The following DOCK3 variants were observed in gnomAD, a reference collection of about 807,000 sequenced individuals.
DOCK3 encodes dedicator of cytokinesis 3.
A neutral mutation model predicts 265.6 loss-of-function variants in DOCK3; 60 were observed. The observed-to-expected ratio is 0.23, with a 90% confidence interval of 0.18 to 0.28. DOCK3 has a LOEUF of 0.28. DOCK3 is among the 10% of genes least tolerant of loss of function. DOCK3 has a pLI of 1.00. For missense variants in DOCK3, 1,981 were observed against 2,594.3 expected (o/e 0.76, Z 5.14); for synonymous variants, 881 against 938.0 (o/e 0.94, Z 1.11).
At chr3:51,292,403 T>G (rs1003900569) in intron 27 of DOCK3, among the ~76,000 whole-genome samples, 2 of 152,128 alleles carry the variant, frequency 1.3e-5, no homozygotes, top group African/African-American at 4.8e-5. Flanking sequence ...GAAAAACAGA[T>G]TCAGTAAAAT....
At position 51,354,986 on chromosome 3, in the gene DOCK3, C is replaced by A; in HGVS notation, c.4212C>A (p.Asn1404Lys). The change falls in exon 41 of 53, where the codon AAC becomes AAA. Residue 1404 changes from asparagine to lysine, a missense_variant. By Grantham distance (94) the Asn-to-Lys change is moderately conservative. Around this residue, in one of 4 missense-constraint regions of DOCK3, gnomAD observed 1,357 missense variants for 1,866.8 expected, o/e 0.73. Coordinates refer to ENST00000266037, the MANE Select transcript of DOCK3 (RefSeq NM_004947.5). ...AGGCTGTCGCCATGCAGCACCCCAA[C>A]CATCCTGATGACGCCATCCTACAGT... ...FPQAVAMQHPNHPDDAILQCD... is the reference protein window; with the variant it reads ...FPQAVAMQHPKHPDDAILQCD... 12 of 1,613,946 alleles carry A rather than the reference C, an allele frequency of 7.4e-6. No individual in the cohort carries two copies. The highest frequency in any genetic ancestry group is 1.0e-5 in the Non-Finnish European group (12 of 1,179,858).
At chr3:50,838,304 T>C (rs576750074) in intron 2 of DOCK3, among the ~76,000 whole-genome samples, 1 of 152,332 alleles carries the variant, frequency 6.6e-6, no homozygotes, top group East Asian at 1.9e-4. Flanking sequence ...TTTTTCTGAC[T>C]TAAGTTAAAG....
At chr3:50,866,631 A>G (rs1391155709) in intron 3 of DOCK3, among the ~76,000 whole-genome samples, 1 of 152,114 alleles carries the variant, frequency 6.6e-6, no homozygotes, top group African/African-American at 2.4e-5. Flanking sequence ...GTTGGGGTCT[A>G]GTTTCATTCT....
intron 5 of DOCK3, among the ~76,000 whole-genome samples, chr3:50,944,685 A>G (rs1182088618): frequency 2.0e-5 from 3 of 152,288 alleles, no homozygotes; most frequent in South Asian, 4.1e-4. Context: ...TAGGCGGGGC[A>G]TGGTGGCTCA....
chr3:50,900,977 C>T, intron 4 of DOCK3: 1 of 418,026 alleles, frequency 2.4e-6, no homozygotes, highest in Non-Finnish European at 4.7e-6. Flanking sequence ...AGGAAGCAGT[C>T]TATCCCTTAG....
chr3:51,244,992 T>G (rs1430098599), intron 21 of DOCK3, among the ~76,000 whole-genome samples: 1 of 152,170 alleles, frequency 6.6e-6, no homozygotes, highest in Non-Finnish European at 1.5e-5. Flanking sequence ...TAAAAGAGAT[T>G]ATATAACTAA....
chr3:51,372,224 G>T (rs1014700492), intron 49 of DOCK3, among the ~76,000 whole-genome samples: 1 of 152,178 alleles, frequency 6.6e-6, no homozygotes, highest in African/African-American at 2.4e-5. Context: ...TTGACACTGG[G>T]GTTTACTAGA....
intron 5 of DOCK3, among the ~76,000 whole-genome samples, chr3:51,011,254 T>C (rs998849061): frequency 1.3e-5 from 2 of 152,158 alleles, no homozygotes; most frequent in Non-Finnish European, 2.9e-5. Flanking sequence ...CTTTCAGGTA[T>C]ACCAATCAGA....
At chr3:50,817,916 G>C (rs2044185169) in intron 2 of DOCK3, among the ~76,000 whole-genome samples, 1 of 152,142 alleles carries the variant, frequency 6.6e-6, no homozygotes, top group South Asian at 2.1e-4. Flanking sequence ...TTCAACCCCA[G>C]CCCAACTGCT....
At chr3:51,181,241 A>G (rs1256057334) in intron 12 of DOCK3, among the ~76,000 whole-genome samples, 1 of 149,854 alleles carries the variant, frequency 6.7e-6, no homozygotes, top group African/African-American at 2.5e-5. Flanking sequence ...GTACCTGTTA[A>G]CTCGTCATTT....
chr3:50,775,001 C>G (rs1476806257), intron 1 of DOCK3, among the ~76,000 whole-genome samples: 1 of 151,712 alleles, frequency 6.6e-6, no homozygotes. Flanking sequence ...TGAATAATCC[C>G]CAGTTGGTCA....
intron 2 of DOCK3, among the ~76,000 whole-genome samples, chr3:50,781,221 A>T (rs1056615541): frequency 6.6e-5 from 10 of 151,744 alleles, no homozygotes; most frequent in Non-Finnish European, 8.8e-5. Context: ...AAAATAAAAA[A>T]AAAAAGAATC....
intron 27 of DOCK3, among the ~76,000 whole-genome samples, chr3:51,289,655 A>G (rs2081619515): frequency 1.3e-5 from 2 of 152,052 alleles, no homozygotes; most frequent in South Asian, 2.1e-4. Flanking sequence ...AGACCCAACT[A>G]TATGCTGCCT....
chr3:51,008,727 C>T (rs1470485150), intron 5 of DOCK3, among the ~76,000 whole-genome samples: 3 of 152,102 alleles, frequency 2.0e-5, no homozygotes, highest in African/African-American at 7.2e-5. Context: ...CAGTTTTTGC[C>T]CATTCAGTAT....
rs76766938 is a variant in DOCK3 at position 50,935,096 on chromosome 3, A to C, written c.315+1019A>C. ...CCTGACCTGGTCTCTAGAGAGGCAC[A>C]CAACTTGGAAATGCTAGTGGGTAGA... On this transcript the variant is annotated intron_variant, in intron 5 of 52. Transcript: ENST00000266037. Among the ~76,000 whole-genome samples the C allele has an allele frequency of 5.2e-3, 797 of 152,272 alleles. 15 individuals carry two copies. The East Asian group carries it at 0.058, about 11-fold the overall frequency.
chr3:51,109,329 A>G (rs1449193381), intron 9 of DOCK3, among the ~76,000 whole-genome samples: 2 of 152,208 alleles, frequency 1.3e-5, no homozygotes, highest in East Asian at 3.9e-4. Flanking sequence ...AACTAATGAG[A>G]ACAAAGATAC....
Position 50,781,264 on chromosome 3 carries a change from GTTCTTTT to G in DOCK3, c.121+2509_121+2515del, listed in dbSNP as rs1260077379. On this transcript the variant is annotated intron_variant, in intron 2 of 52. Transcript: ENST00000266037. Reference sequence around the variant, plus strand: ...GGTGGGATTGCTAGATCATATAGTAGTTCTTTTTTTTTTTTTTTTTTGGAGACAGGGT... The same window carrying G: ...GGTGGGATTGCTAGATCATATAGTAGTTTTTTTTTTTTTTGGAGACAGGGT... Among the ~76,000 whole-genome samples the G allele has an allele frequency of 3.5e-5, 4 of 114,268 alleles. No individual in the cohort carries two copies. In the East Asian group the frequency reaches 9.9e-4, roughly 28 times the overall value. The allele number at this position is 114,268 out of a possible 152,430, so 75.0% of individuals were successfully genotyped here. A position where few individuals can be genotyped will look rare whatever the true frequency, so the allele number is the denominator to read the frequency against.
intron 2 of DOCK3, among the ~76,000 whole-genome samples, chr3:50,837,569 T>C (rs1354197562): frequency 1.3e-5 from 2 of 152,028 alleles, no homozygotes; most frequent in African/African-American, 4.8e-5. Flanking sequence ...TCCCTCAGCA[T>C]GTGGGGATTA....
chr3:51,029,076 T>C lies in DOCK3; in HGVS notation c.316-35372T>C, dbSNP rs192934903. Among the ~76,000 whole-genome samples, 156 of 152,304 alleles carry C rather than the reference T, an allele frequency of 1.0e-3. 1 individual carries two copies. Among genetic ancestry groups the C allele is most frequent in the East Asian group, 7.9e-3 (41 of 5,180 alleles). On this transcript the variant is annotated intron_variant, in intron 5 of 52. Coordinates refer to ENST00000266037, the MANE Select transcript of DOCK3 (RefSeq NM_004947.5). ...AATTTACTTTAATTTTAATGGGCTT[T>C]TTTGATTTTTTATTCTTCTTTCCCT...
Sources: gnomAD v4.1 joint callset for allele counts (sites outside exome capture counted in the v4.1 genomes callset) on GRCh38, gnomAD v4.1.1 for gene constraint, gnomAD v4.1.1 regional missense constraint, MANE v1.5 for transcripts, NCBI Gene and HGNC (gene_info 2026-07-23, HGNC 2026-07-21) for gene names.